The following PRKN variants were observed in gnomAD, a reference collection of about 807,000 sequenced individuals.
PRKN encodes the protein E3 ubiquitin-protein ligase parkin.
Under a neutral mutation model 59.5 loss-of-function variants are expected in PRKN, and 56 were observed. That is an observed-to-expected ratio of 0.94 (90% CI 0.76 to 1.18). PRKN has a LOEUF of 1.18. Among genes scored for constraint, PRKN ranks in the 50% most tolerant of loss-of-function variants. The pLI is 0.00. For missense variants in PRKN, 657 were observed against 596.4 expected, an observed-to-expected ratio of 1.10 and a Z score of -1.06; for synonymous variants, 250 against 222.1, an observed-to-expected ratio of 1.13 and a Z score of -1.12.
intron 9 of PRKN, among the ~76,000 whole-genome samples, chr6:161,501,512 G>T (rs1027696809): frequency 7.3e-5 from 11 of 151,682 alleles, no homozygotes; most frequent in African/African-American, 2.7e-4. Context: ...TGTATATTTT[G>T]GTAATAGTCC....
rs987222432 is a variant in PRKN, at chr6:161,388,493, A to T, written c.1084-1616T>A. On this transcript the variant is annotated intron_variant, in intron 9 of 11. Coordinates refer to ENST00000366898, the MANE Select transcript of PRKN (RefSeq NM_004562.3). The surrounding 1 kb of genome is among the most constrained non-coding windows in gnomAD (Gnocchi z 4.3). ...TTCAGAGAAGGCATTTCAGCAGAGG[A>T]GAGAGTGCCATCCACAAGTATGGTG... is the stretch of plus-strand genomic sequence containing the variant. 1.3e-5 allele frequency among the ~76,000 whole-genome samples: 2 copies of T among 152,196 alleles called. No individual in the cohort carries two copies. Among genetic ancestry groups the T allele is most frequent in the African/African-American group, 4.8e-5 (2 of 41,442 alleles).
At chr6:161,859,375 C>T (rs894333800) in intron 6 of PRKN, among the ~76,000 whole-genome samples, 6 of 151,862 alleles carry the variant, frequency 4.0e-5, no homozygotes, top group Admixed American at 2.0e-4. Flanking sequence ...GAGGCCAAGG[C>T]GGGTGGATCA....
intron 7 of PRKN, among the ~76,000 whole-genome samples, chr6:161,656,220 ACTGAAAGTCAGCGCTCGGGCCCCTG>A (rs1424225863): frequency 1.3e-5 from 2 of 152,294 alleles, no homozygotes; most frequent in East Asian, 3.9e-4. Context: ...GGGCGTGCAG[ACTGAAAGTCAGCGCTCGGGCCCCTG>A]CTGCATCTTT....
intron 5 of PRKN, among the ~76,000 whole-genome samples, chr6:162,021,438 A>AATATATAT (rs1193427302): frequency 8.3e-5 from 10 of 120,776 alleles, no homozygotes; most frequent in South Asian, 2.6e-4. Flanking sequence ...CATTACAGGG[A>AATATATAT]ATATATATAT....
intron 2 of PRKN, among the ~76,000 whole-genome samples, chr6:162,324,808 C>T (rs916658751): frequency 2.6e-5 from 4 of 151,826 alleles, no homozygotes; most frequent in South Asian, 2.1e-4. Context: ...GAATGTGTAT[C>T]GGCATGAAGG....
chr6:161,803,335 A>C (rs1791169134), intron 6 of PRKN, among the ~76,000 whole-genome samples: 1 of 152,152 alleles, frequency 6.6e-6, no homozygotes, highest in South Asian at 2.1e-4. Flanking sequence ...TCTCAGGCCC[A>C]GTTGGGACTC....
chr6:161,873,041 G>C (rs78724846), intron 6 of PRKN, among the ~76,000 whole-genome samples: 6,391 of 150,894 alleles, frequency 0.042, 460 homozygotes, highest in African/African-American at 0.14. Context: ...GATAATAAGG[G>C]AGGGAGCTGG....
chr6:162,152,435 C>T (rs73783426), intron 4 of PRKN, among the ~76,000 whole-genome samples: 4,869 of 152,242 alleles, frequency 0.032, 265 homozygotes, highest in African/African-American at 0.11. Context: ...CTAACTGGCC[C>T]GCTATCATTT....
chr6:161,601,220 C>CA (rs948094179), intron 7 of PRKN, among the ~76,000 whole-genome samples: 8 of 151,942 alleles, frequency 5.3e-5, no homozygotes, highest in Non-Finnish European at 1.2e-4. Context: ...GTAGCTTAGA[C>CA]AAAAAAAATT....
chr6:161,630,574 G>C (rs1393734787), intron 7 of PRKN, among the ~76,000 whole-genome samples: 1 of 152,162 alleles, frequency 6.6e-6, no homozygotes, highest in Non-Finnish European at 1.5e-5. Flanking sequence ...TTTTAAAGCA[G>C]TTTCAGAAGT....
At chr6:161,524,492 C>T (rs921062204) in intron 9 of PRKN, among the ~76,000 whole-genome samples, 8 of 152,128 alleles carry the variant, frequency 5.3e-5, no homozygotes, top group African/African-American at 1.7e-4. Context: ...ACTACGGCTG[C>T]ATGCCCCTGT....
chr6:161,548,936 C>T lies in PRKN; in HGVS notation c.1001G>A (p.Arg334His), dbSNP rs746215864. ...CAGCAGCCCCGCTCCACAGCCAGGG[C>T]GGGGGCATAACACGCCCCCCATCTG... ...VLQMGGVLCP[R>H]PGCGAGLLPE... The change falls in exon 9 of 12, where the codon CGC (arginine) becomes CAC (histidine). Residue 334 changes from arginine (R) to histidine (H), a missense_variant. Arg to His is a conservative substitution (Grantham distance 29). Coordinates refer to ENST00000366898, the MANE Select transcript of PRKN (RefSeq NM_004562.3). This position sits in a 1 kb window ranked among gnomAD's most constrained non-coding sequence, Gnocchi z 4.2. 25 of 1,613,818 alleles carry T rather than the reference C, an allele frequency of 1.5e-5. No homozygotes were observed. In the Admixed American group the frequency reaches 1.7e-4, roughly 11 times the overall value.
chr6:161,622,226 T>C (rs1782932078), intron 7 of PRKN, among the ~76,000 whole-genome samples: 3 of 152,152 alleles, frequency 2.0e-5, no homozygotes. Flanking sequence ...CTCTGGCTGC[T>C]AACTTCTTTG....
intron 4 of PRKN, among the ~76,000 whole-genome samples, chr6:162,143,504 T>C (rs1781876132): frequency 6.6e-6 from 1 of 152,278 alleles, no homozygotes; most frequent in East Asian, 1.9e-4. Flanking sequence ...AGACTTCTAC[T>C]ACAGAGAAAA....
Position 161,399,694 on chromosome 6 carries a change from T to C in PRKN, c.1084-12817A>G, listed in dbSNP as rs1468681367. Among the ~76,000 whole-genome samples, 1 of 152,076 alleles carries C rather than the reference T, an allele frequency of 6.6e-6. No individual in the cohort carries two copies. Among genetic ancestry groups the C allele is most frequent in the East Asian group, 1.9e-4 (1 of 5,162 alleles). ...GCTGGAAATGATAGCCCCCAGAAAGTACCAATCCCAGTGCTAGGGATGATG... is the reference window on the plus strand; with the variant it reads ...GCTGGAAATGATAGCCCCCAGAAAGCACCAATCCCAGTGCTAGGGATGATG... On this transcript the variant is annotated intron_variant, in intron 9 of 11. Transcript: ENST00000366898. The surrounding 1 kb of genome is among the most constrained non-coding windows in gnomAD (Gnocchi z 4.4).
chr6:162,207,560 C>T lies in PRKN; in HGVS notation c.413-6308G>A, dbSNP rs188566241. 5.2e-3 allele frequency among the ~76,000 whole-genome samples: 790 copies of T among 152,266 alleles called. 3 individuals carry two copies. Among genetic ancestry groups the T allele is most frequent in the Non-Finnish European group, 9.1e-3 (620 of 68,016 alleles). ...CAGCCAACCGATTCACTTGACCGTCCTAACATCCCACTCAGCGCATGGCCC... is the reference window on the plus strand; with the variant it reads ...CAGCCAACCGATTCACTTGACCGTCTTAACATCCCACTCAGCGCATGGCCC... On this transcript the variant is annotated intron_variant, in intron 3 of 11. Coordinates refer to ENST00000366898, the MANE Select transcript of PRKN (RefSeq NM_004562.3).
intron 6 of PRKN, among the ~76,000 whole-genome samples, chr6:161,833,923 A>G (rs73014590): frequency 0.061 from 9,336 of 152,186 alleles, 389 homozygotes; most frequent in Non-Finnish European, 0.094. Context: ...ACTTAAAGGA[A>G]CTCATGATTC....
At chr6:162,504,417 C>A (rs1290662493) in intron 1 of PRKN, among the ~76,000 whole-genome samples, 1 of 151,910 alleles carries the variant, frequency 6.6e-6, no homozygotes, top group African/African-American at 2.4e-5. Flanking sequence ...TAAAAACACA[C>A]AAAAAATGTT....
In PRKN at chr6:162,612,388, C is replaced by T. The variant is rs545718239; in HGVS notation, c.7+115274G>A. On this transcript the variant is annotated intron_variant, in intron 1 of 11. Coordinates refer to ENST00000366898, the MANE Select transcript of PRKN (RefSeq NM_004562.3). ...TCATCTTGGAAGGGATCAGGCCGGA[C>T]GAAGGTTTAGACATGTTAACACTGG... 4.0e-5 allele frequency among the ~76,000 whole-genome samples: 6 copies of T among 151,730 alleles called. No individual in the cohort carries two copies. The East Asian group carries it at 9.8e-4, about 25-fold the overall frequency.
Sources: gnomAD v4.1 joint callset for allele counts (sites outside exome capture counted in the v4.1 genomes callset) on GRCh38, gnomAD v4.1.1 for gene constraint, Gnocchi (gnomAD v3.1) non-coding constraint, MANE v1.5 for transcripts, NCBI Gene and HGNC (gene_info 2026-07-23, HGNC 2026-07-21) for gene names.